Variants in ITCH observed in about 807,000 individuals in gnomAD.
ITCH encodes E3 ubiquitin-protein ligase Itchy homolog.
In ITCH, 28 loss-of-function variants were observed where a neutral mutation model predicts 126.8. The ratio of observed to expected loss-of-function variants is 0.22; its 90% CI spans 0.16 to 0.30. The LOEUF (loss-of-function observed/expected upper bound fraction) is 0.30. Ranked by LOEUF, ITCH falls within the 10% of genes least tolerant of loss-of-function variation. The probability of loss-of-function intolerance (pLI) is 1.00; values close to 1 mark genes in which losing one functional copy is unlikely to be tolerated. For synonymous variants in ITCH, 342 were observed against 340.0 expected, an observed-to-expected ratio of 1.01 and a Z score of -0.06; for missense variants, 631 against 1,032.4, an observed-to-expected ratio of 0.61 and a Z score of 5.33.
chr20:34,510,443 A>ATTTTTTTTTTTTTTTT lies in ITCH; in HGVS notation c.*2661_*2676dup. On this transcript the variant is annotated 3_prime_UTR_variant, in exon 25 of 25. Transcript: ENST00000374864. Reference sequence around the variant, plus strand: ...TTGTAAATGCTAATAAATCCTGTTAATTTTTTTTTTTTTTTTTTTTTTTTT... The same window carrying ATTTTTTTTTTTTTTTT: ...TTGTAAATGCTAATAAATCCTGTTAATTTTTTTTTTTTTTTTTTTTTTTTTTTTTTTTTTTTTTTTT... 1.6e-5 allele frequency: 1 copy of ATTTTTTTTTTTTTTTT among 63,234 alleles called. No homozygotes were observed. Among genetic ancestry groups the ATTTTTTTTTTTTTTTT allele is most frequent in the Middle Eastern group, 0.015 (1 of 68 alleles). The allele number at this position is 63,234 out of a possible 1,614,324, so 3.9% of individuals were successfully genotyped here.
intron 16 of ITCH, among the ~76,000 whole-genome samples, chr20:34,473,265 AAAC>A (rs1987819212): frequency 6.6e-6 from 1 of 152,256 alleles, no homozygotes; most frequent in South Asian, 2.1e-4. Context: ...GTACAGGAGA[AAAC>A]AATTTTTTTT....
At chr20:34,494,304 A>G (rs980472819) in intron 23 of ITCH, among the ~76,000 whole-genome samples, 2 of 152,126 alleles carry the variant, frequency 1.3e-5, no homozygotes, top group Non-Finnish European at 2.9e-5. Flanking sequence ...GAAGAAAGAA[A>G]TAGTATACTG....
chr20:34,508,034 A>C lies in ITCH; in HGVS notation c.*240A>C. The C allele has an allele frequency of 2.1e-6, 1 of 471,634 alleles. No homozygotes were observed. The highest frequency in any genetic ancestry group is 2.1e-5 in the South Asian group (1 of 47,786). The allele number at this position is 471,634 out of a possible 1,614,324, so 29.2% of individuals were successfully genotyped here. A position where few individuals can be genotyped will look rare whatever the true frequency, so the allele number is the denominator to read the frequency against. ...ACATGAGATTTTAACACAACAATGA[A>C]ATTTGCCTTGTCTTATTCCACTAGT... is the stretch of plus-strand genomic sequence containing the variant. On this transcript the variant is annotated 3_prime_UTR_variant, in exon 25 of 25. Transcript: ENST00000374864.
At chr20:34,366,715 A>G (rs2037435147) in intron 1 of ITCH, among the ~76,000 whole-genome samples, 1 of 149,698 alleles carries the variant, frequency 6.7e-6, no homozygotes, top group South Asian at 2.1e-4. Context: ...AAAAGGAAGG[A>G]AAAAAAAAAG....
At chr20:34,479,354 G>A (rs889360054) in intron 17 of ITCH, among the ~76,000 whole-genome samples, 1 of 152,008 alleles carries the variant, frequency 6.6e-6, no homozygotes, top group African/African-American at 2.4e-5. Context: ...AGGTAAAATT[G>A]GAAAATACAA....
intron 14 of ITCH, among the ~76,000 whole-genome samples, chr20:34,463,653 C>T (rs1365888202): frequency 6.6e-6 from 1 of 150,764 alleles, no homozygotes; most frequent in Non-Finnish European, 1.5e-5. Context: ...AAATAGTCAT[C>T]CTTAATGTCG....
chr20:34,472,927 T>G (rs1363371993), intron 16 of ITCH, among the ~76,000 whole-genome samples: 2 of 152,202 alleles, frequency 1.3e-5, no homozygotes, highest in Non-Finnish European at 2.9e-5. Flanking sequence ...TTGGACGAGT[T>G]TCTTGAAGCA....
At chr20:34,410,153 A>C (rs931141281) in intron 4 of ITCH, among the ~76,000 whole-genome samples, 3 of 152,128 alleles carry the variant, frequency 2.0e-5, no homozygotes, top group African/African-American at 4.8e-5. Flanking sequence ...GGATCACCTG[A>C]GGTCAGGAGT....
intron 9 of ITCH, among the ~76,000 whole-genome samples, chr20:34,441,336 C>T (rs1372489327): frequency 1.3e-5 from 2 of 152,112 alleles, no homozygotes; most frequent in African/African-American, 2.4e-5. Flanking sequence ...AATTTGTGCT[C>T]ATAATCCCAT....
At chr20:34,379,244 A>G (rs945505820) in intron 2 of ITCH, among the ~76,000 whole-genome samples, 1 of 151,896 alleles carries the variant, frequency 6.6e-6, no homozygotes, top group Non-Finnish European at 1.5e-5. Context: ...TGGCTGGTTG[A>G]TTTTATATAG....
At chr20:34,441,569 T>C (rs6059839) in intron 9 of ITCH, 71,679 of 149,750 alleles carry the variant, frequency 0.48, 17,397 homozygotes, top group Middle Eastern at 0.5. Context: ...GGATTACAGG[T>C]ACCTGCCACC....
intron 2 of ITCH, among the ~76,000 whole-genome samples, chr20:34,392,485 C>T (rs1465819236): frequency 6.6e-6 from 1 of 152,158 alleles, no homozygotes; most frequent in Non-Finnish European, 1.5e-5. Context: ...TAGGGTTCAT[C>T]TCAGTAGGAA....
intron 15 of ITCH, among the ~76,000 whole-genome samples, chr20:34,471,050 TA>T (rs1210086888): frequency 6.6e-6 from 1 of 152,238 alleles, no homozygotes; most frequent in Non-Finnish European, 1.5e-5. Flanking sequence ...AATGATTTTT[TA>T]TGGGTTCTAA....
At chr20:34,406,864 A>C (rs1292348821) in intron 3 of ITCH, among the ~76,000 whole-genome samples, 1 of 152,044 alleles carries the variant, frequency 6.6e-6, no homozygotes, top group East Asian at 1.9e-4. Flanking sequence ...TTACTATATA[A>C]ACTCCTCTGA....
intron 3 of ITCH, among the ~76,000 whole-genome samples, chr20:34,395,275 A>C (rs561292949): frequency 1.3e-5 from 2 of 151,976 alleles, no homozygotes; most frequent in East Asian, 3.9e-4. Flanking sequence ...TTCCTGCTAT[A>C]CAAGTTTAGT....
chr20:34,410,531 G>A (rs981916591), intron 4 of ITCH, among the ~76,000 whole-genome samples: 8 of 151,986 alleles, frequency 5.3e-5, no homozygotes, highest in African/African-American at 1.7e-4. Flanking sequence ...ATGAAACAAT[G>A]TATTAAAAAA....
chr20:34,448,115 C>T (rs1251860504), intron 11 of ITCH, among the ~76,000 whole-genome samples: 2 of 152,122 alleles, frequency 1.3e-5, no homozygotes, highest in African/African-American at 2.4e-5. Context: ...GTCAGCCTGG[C>T]GCGGTGGCTC....
chr20:34,412,824 C>T (rs1335537306), intron 5 of ITCH, among the ~76,000 whole-genome samples, 185 bp downstream of exon 5: 1 of 151,938 alleles, frequency 6.6e-6, no homozygotes, highest in Non-Finnish European at 1.5e-5. Flanking sequence ...TTTGACCATT[C>T]ATTTTGGATT....
At chr20:34,464,003 C>T (rs1389811844) in intron 14 of ITCH, among the ~76,000 whole-genome samples, 1 of 151,912 alleles carries the variant, frequency 6.6e-6, no homozygotes. Context: ...GAGACAGTCT[C>T]TCTCTCTGTC....
Sources: gnomAD v4.1 joint callset for allele counts (sites outside exome capture counted in the v4.1 genomes callset) on GRCh38, gnomAD v4.1.1 for gene constraint, MANE v1.5 for transcripts, NCBI Gene and HGNC (gene_info 2026-07-23, HGNC 2026-07-21) for gene names.